The following SGCZ variants were observed in gnomAD, a reference collection of about 807,000 sequenced individuals.
SGCZ encodes sarcoglycan zeta, also known as zeta-sarcoglycan.
Under a neutral mutation model 41.3 loss-of-function variants are expected in SGCZ, and 40 were observed. That is an observed-to-expected ratio of 0.97 (90% confidence interval 0.75 to 1.26). The LOEUF (loss-of-function observed/expected upper bound fraction) is 1.26, where lower values mean the gene tolerates loss of function less well. SGCZ is among the 50% of genes most tolerant of loss of function. The pLI is 0.00. For missense variants in SGCZ, 552 were observed against 369.8 expected (o/e 1.49, Z -4.04); for synonymous variants, 206 against 137.5 (o/e 1.50, Z -3.49).
intron 1 of SGCZ, among the ~76,000 whole-genome samples, chr8:14,570,893 T>C (rs998568429): frequency 1.3e-5 from 2 of 152,300 alleles, no homozygotes; most frequent in East Asian, 1.9e-4. Context: ...CTAGAAGCGA[T>C]AAGAAAGAAT....
chr8:14,951,773 A>G (rs557260617), intron 1 of SGCZ, among the ~76,000 whole-genome samples: 136 of 152,190 alleles, frequency 8.9e-4, no homozygotes, highest in Admixed American at 1.5e-3. Context: ...TGCGTATAAA[A>G]ATCTTTGTGA....
intron 1 of SGCZ, among the ~76,000 whole-genome samples, chr8:15,018,427 A>G (rs1240360506): frequency 2.0e-5 from 3 of 152,232 alleles, no homozygotes; most frequent in Admixed American, 6.5e-5. Context: ...GATGAAAATG[A>G]CGAGGCAGTA....
chr8:14,520,267 T>C (rs1333205234), intron 2 of SGCZ, among the ~76,000 whole-genome samples: 3 of 152,172 alleles, frequency 2.0e-5, no homozygotes, highest in Non-Finnish European at 4.4e-5. Flanking sequence ...TGAAGTGCTA[T>C]CTGGCAGCCA....
intron 1 of SGCZ, among the ~76,000 whole-genome samples, chr8:14,816,608 A>G (rs1801908939): frequency 6.6e-6 from 1 of 152,216 alleles, no homozygotes; most frequent in South Asian, 2.1e-4. Context: ...TTTCTCAGTT[A>G]TACTAAGTTA....
intron 1 of SGCZ, among the ~76,000 whole-genome samples, chr8:14,676,496 A>T (rs746133360): frequency 6.6e-6 from 1 of 152,130 alleles, no homozygotes; most frequent in Non-Finnish European, 1.5e-5. Context: ...TTCAGCCTGG[A>T]GACAGAGTGA....
intron 1 of SGCZ, among the ~76,000 whole-genome samples, chr8:14,990,875 T>C (rs1563416134): frequency 1.3e-5 from 2 of 151,986 alleles, no homozygotes; most frequent in Admixed American, 1.3e-4. Flanking sequence ...AATTCAAATT[T>C]ATTTAAATCT....
chr8:14,272,641 C>A (rs1388660785), intron 3 of SGCZ, among the ~76,000 whole-genome samples: 1 of 152,104 alleles, frequency 6.6e-6, no homozygotes, highest in Non-Finnish European at 1.5e-5. Context: ...TTAAACGTGT[C>A]CTGGTGTGTA....
At chr8:15,042,335 C>T (rs1250565650) in intron 1 of SGCZ, among the ~76,000 whole-genome samples, 1 of 152,136 alleles carries the variant, frequency 6.6e-6, no homozygotes, top group Non-Finnish European at 1.5e-5. Flanking sequence ...TCTGTGTCAG[C>T]TCCCTGTCTC....
intron 1 of SGCZ, among the ~76,000 whole-genome samples, chr8:15,218,856 T>A (rs1801500833): frequency 6.6e-6 from 1 of 152,214 alleles, no homozygotes; most frequent in Admixed American, 6.5e-5. Context: ...TTTTACCATT[T>A]GAGGGAATCG....
At chr8:14,342,957 A>G (rs1666691535) in intron 2 of SGCZ, among the ~76,000 whole-genome samples, 1 of 152,082 alleles carries the variant, frequency 6.6e-6, no homozygotes, top group South Asian at 2.1e-4. Flanking sequence ...CTGTGTGTGC[A>G]GCCTAGGGAT....
In SGCZ at chr8:14,970,835, G is replaced by T. The variant is rs555249991; in HGVS notation, c.39+266750C>A. 3.9e-5 allele frequency among the ~76,000 whole-genome samples: 6 copies of T among 152,192 alleles called. No homozygotes were observed. The East Asian group carries it at 1.2e-3, about 29-fold the overall frequency. On this transcript the variant is annotated intron_variant, in intron 1 of 7. Transcript: ENST00000382080. ...TTTGTCAATTCTCACACAAAAAAAA[G>T]TCAGTTAATATATTGATTGGCATTG...
chr8:14,931,157 A>G (rs967815719), intron 1 of SGCZ, among the ~76,000 whole-genome samples: 7 of 152,020 alleles, frequency 4.6e-5, no homozygotes, highest in African/African-American at 1.7e-4. Context: ...TCATCATTTC[A>G]AATTAACTTT....
intron 2 of SGCZ, among the ~76,000 whole-genome samples, chr8:14,406,387 TTA>T (rs1799212430): frequency 6.6e-6 from 1 of 152,186 alleles, no homozygotes; most frequent in African/African-American, 2.4e-5. Context: ...TCAGAAATTT[TTA>T]TGTTTTAAAT....
At chr8:15,080,120 T>A (rs1805684644) in intron 1 of SGCZ, among the ~76,000 whole-genome samples, 3 of 152,198 alleles carry the variant, frequency 2.0e-5, no homozygotes, top group Admixed American at 2.0e-4. Context: ...ATTTATTTGA[T>A]TCCTGGACGA....
intron 1 of SGCZ, among the ~76,000 whole-genome samples, chr8:14,610,024 G>A (rs190257665): frequency 2.8e-3 from 420 of 152,240 alleles, no homozygotes; most frequent in Non-Finnish European, 2.7e-3. Context: ...CAACTGCTAC[G>A]ATCTTATTTA....
At chr8:14,756,289 G>A (rs1187318098) in intron 1 of SGCZ, among the ~76,000 whole-genome samples, 8 of 150,712 alleles carry the variant, frequency 5.3e-5, no homozygotes, top group Non-Finnish European at 1.0e-4. Context: ...ACGTTCAAGC[G>A]ATCCTCCTGC....
intron 1 of SGCZ, among the ~76,000 whole-genome samples, chr8:15,139,900 C>G (rs1240068303): frequency 1.3e-5 from 2 of 152,180 alleles, no homozygotes; most frequent in Non-Finnish European, 2.9e-5. Context: ...CAGCCACTGT[C>G]AAAGTCACTA....
chr8:15,237,458 C>A (rs914716292), intron 1 of SGCZ, 127 bp downstream of exon 1: 5 of 1,165,344 alleles, frequency 4.3e-6, no homozygotes, highest in African/African-American at 3.1e-5. Context: ...GCGCGTCCCC[C>A]CAACGCCCCC....
At chr8:14,681,330 C>G (rs1808440477) in intron 1 of SGCZ, among the ~76,000 whole-genome samples, 2 of 152,072 alleles carry the variant, frequency 1.3e-5, no homozygotes, top group Admixed American at 6.6e-5. Context: ...AGTGCCATAT[C>G]TAATGTATTA....
Sources: allele counts gnomAD v4.1 joint callset (sites outside exome capture counted in the v4.1 genomes callset), GRCh38; gene constraint gnomAD v4.1.1; transcripts MANE v1.5; gene names NCBI Gene and HGNC (gene_info 2026-07-23, HGNC 2026-07-21).